Variants in SNX32 observed in about 807,000 individuals in gnomAD.
The protein encoded by SNX32 is sorting nexin-32.
SNX32 carries 58 observed loss-of-function variants against 57.0 expected under a neutral mutation model. That is an observed-to-expected ratio of 1.02 (90% CI 0.82 to 1.27). SNX32 has a LOEUF of 1.27. Among genes scored for constraint, SNX32 ranks in the 50% most tolerant of loss-of-function variants. The pLI, the probability that SNX32 is intolerant of heterozygous loss-of-function variation, is 0.00. For synonymous variants in SNX32, 262 were observed against 220.4 expected (o/e 1.19, Z -1.67); for missense variants, 589 against 541.2 (o/e 1.09, Z -0.88).
chr11:65,845,857 A>ATTTCCC (rs1370795653), intron 1 of SNX32, among the ~76,000 whole-genome samples: 3 of 152,266 alleles, frequency 2.0e-5, no homozygotes, highest in Non-Finnish European at 2.9e-5. Flanking sequence ...ATGTAATGAA[A>ATTTCCC]TAAGACACAG....
chr11:65,835,552 T>C (rs1340371759), intron 1 of SNX32: 1 of 152,258 alleles, frequency 6.6e-6, no homozygotes, highest in Non-Finnish European at 1.5e-5. Flanking sequence ...GGTTAGAGCA[T>C]GGAGAGGTGC....
chr11:65,851,249 T>C, intron 7 of SNX32, 79 bp from the exon 8 acceptor site: 1 of 1,602,390 alleles, frequency 6.2e-7, no homozygotes, highest in South Asian at 1.1e-5. Flanking sequence ...AGGGCGTGCC[T>C]TGTTGTTTGT....
chr11:65,852,016 G>A (rs1480096260), intron 9 of SNX32, among the ~76,000 whole-genome samples: 2 of 152,156 alleles, frequency 1.3e-5, no homozygotes, highest in East Asian at 3.9e-4. Context: ...TCTTCCCTAA[G>A]AAAGTCACTG....
chr11:65,850,099 T>A, intron 3 of SNX32, 51 bp from the exon 4 acceptor site: 1 of 1,614,216 alleles, frequency 6.2e-7, no homozygotes, highest in Non-Finnish European at 8.5e-7. Context: ...AAGGCTGTGA[T>A]GGCCGTCTCG....
chr11:65,835,015 CTG>C (rs542423245), intron 1 of SNX32, among the ~76,000 whole-genome samples: 37 of 145,324 alleles, frequency 2.5e-4, no homozygotes, highest in African/African-American at 6.9e-4. Context: ...TTCTCTGTGC[CTG>C]TGTGTTTGTG....
chr11:65,835,943 A>G (rs1401696730), intron 1 of SNX32, among the ~76,000 whole-genome samples: 1 of 152,226 alleles, frequency 6.6e-6, no homozygotes, highest in Non-Finnish European at 1.5e-5. Flanking sequence ...GTTAACATAT[A>G]TAAAATGCTT....
chr11:65,848,611 G>T (rs529876937), intron 1 of SNX32, among the ~76,000 whole-genome samples: 1 of 152,314 alleles, frequency 6.6e-6, no homozygotes, highest in East Asian at 1.9e-4. Context: ...ATGCAAGAAT[G>T]AGCTAGTAGC....
At chr11:65,848,452 C>T (rs1422528218) in intron 1 of SNX32, among the ~76,000 whole-genome samples, 1 of 151,344 alleles carries the variant, frequency 6.6e-6, no homozygotes, top group East Asian at 1.9e-4. Flanking sequence ...TGCCTGTAGT[C>T]CCAGCTACCC....
Position 65,850,504 on chromosome 11 carries a change from A to C in SNX32, c.448A>C (p.Thr150Pro). ...VFLQRLAAHP[T>P]LRRDHNFFVF... ...TCTGCAGCGCCTGGCGGCCCACCCC[A>C]CCCTGCGTCGAGACCACAACTTCTT... The change falls in exon 5 of 13, where the codon ACC becomes CCC. Residue 150 changes from threonine (T) to proline (P), a missense_variant. Transcript: ENST00000308342. 1.2e-6 allele frequency: 2 copies of C among 1,613,750 alleles called. No individual in the cohort carries two copies.
chr11:65,839,374 C>T (rs1443354790), intron 1 of SNX32, among the ~76,000 whole-genome samples: 11 of 145,520 alleles, frequency 7.6e-5, no homozygotes, highest in East Asian at 6.4e-4. Flanking sequence ...GGACTACAGG[C>T]GCCCGCCACT....
Position 65,833,966 on chromosome 11 carries a change from A to G in SNX32, c.-100A>G. On this transcript the variant is annotated 5_prime_UTR_variant, in exon 1 of 13. Transcript: ENST00000308342. ...CCGGGCGGGGGAGAGCGTCCCCGTC[A>G]GCTGAGAGCATCCTCACTCGGTCAG... is the stretch of plus-strand genomic sequence containing the variant. 5 of 1,356,534 alleles carry G rather than the reference A, an allele frequency of 3.7e-6. No homozygotes were observed. Among genetic ancestry groups the G allele is most frequent in the Non-Finnish European group, 5.0e-6 (5 of 993,482 alleles). 84.0% of individuals were successfully genotyped at this position (1,356,534 alleles called of 1,614,324 possible). A position where few individuals can be genotyped will look rare whatever the true frequency, so the allele number is the denominator to read the frequency against.
chr11:65,853,252 G>A (rs540852354), intron 12 of SNX32, 30 bp from the exon 13 acceptor site: 2 of 1,613,914 alleles, frequency 1.2e-6, no homozygotes, highest in Non-Finnish European at 1.7e-6. Flanking sequence ...AGGGAGCAGG[G>A]GACTTCAAGG....
Position 65,853,572 on chromosome 11 carries a change from G to C in SNX32, c.*237G>C, listed in dbSNP as rs958127397. 2 of 585,392 alleles carry C rather than the reference G, an allele frequency of 3.4e-6. No individual in the cohort carries two copies. The highest frequency in any genetic ancestry group is 6.1e-6 in the Non-Finnish European group (2 of 327,996). The allele number at this position is 585,392 out of a possible 1,614,324, so 36.3% of individuals were successfully genotyped here. ...ACTGGCCACAGTCAGCAGAGCCCCA[G>C]GGACCCTGACACCTCTCCCCAGGAA... On this transcript the variant is annotated 3_prime_UTR_variant, in exon 13 of 13. Coordinates refer to ENST00000308342, the MANE Select transcript of SNX32 (RefSeq NM_152760.3).
At chr11:65,840,433 A>C (rs1013688799) in intron 1 of SNX32, among the ~76,000 whole-genome samples, 2 of 152,158 alleles carry the variant, frequency 1.3e-5, no homozygotes, top group African/African-American at 4.8e-5. Context: ...CAGTAAAAAG[A>C]AATAAAGGTA....
At chr11:65,853,241 CAG>C in intron 12 of SNX32, 39 bp from the exon 13 acceptor site, 1 of 1,613,760 alleles carries the variant, frequency 6.2e-7, no homozygotes, top group Non-Finnish European at 8.5e-7. Flanking sequence ...CAGCCTGACT[CAG>C]GGAGCAGGGG....
intron 1 of SNX32, among the ~76,000 whole-genome samples, chr11:65,847,933 A>G (rs940364828): frequency 6.6e-6 from 1 of 152,082 alleles, no homozygotes; most frequent in Non-Finnish European, 1.5e-5. Context: ...GTGAGAAACA[A>G]TGTAGAGATA....
At chr11:65,851,222 G>A in intron 7 of SNX32, 62 bp downstream of exon 7, 1 of 1,597,388 alleles carries the variant, frequency 6.3e-7, no homozygotes, top group Non-Finnish European at 8.6e-7. Flanking sequence ...TCAACTCCTT[G>A]GGGGAGAGAA....
intron 1 of SNX32, 74 bp from the exon 2 acceptor site, chr11:65,849,402 GAT>G: frequency 8.9e-7 from 1 of 1,125,606 alleles, no homozygotes; most frequent in South Asian, 1.4e-5. Context: ...TCTGCAGGTG[GAT>G]CAGAAAGCCT....
intron 8 of SNX32, 98 bp from the exon 9 acceptor site, chr11:65,851,542 G>A (rs1019520156): frequency 5.8e-6 from 9 of 1,544,200 alleles, no homozygotes; most frequent in South Asian, 1.1e-5. Flanking sequence ...TGTTGGGAAG[G>A]AAAGGGGAGA....
Sources: gnomAD v4.1 joint callset for allele counts (sites outside exome capture counted in the v4.1 genomes callset) on GRCh38, gnomAD v4.1.1 for gene constraint, MANE v1.5 for transcripts, NCBI Gene and HGNC (gene_info 2026-07-23, HGNC 2026-07-21) for gene names.